The following LRIF1 variants were observed in gnomAD, a reference collection of about 807,000 sequenced individuals.
The protein encoded by LRIF1 is ligand dependent nuclear receptor interacting factor 1.
Under a neutral mutation model 52.7 loss-of-function variants are expected in LRIF1, and 32 were observed. The ratio of observed to expected loss-of-function variants is 0.61; its 90% CI spans 0.46 to 0.82. The LOEUF is 0.82. Ranked by LOEUF, LRIF1 falls within the 40% of genes least tolerant of loss-of-function variation. The probability of loss-of-function intolerance (pLI) is 0.00; values close to 1 mark genes in which losing one functional copy is unlikely to be tolerated. For missense variants in LRIF1, 887 were observed against 892.0 expected (o/e 0.99, Z 0.07); for synonymous variants, 323 against 317.4 (o/e 1.02, Z -0.19).
chr1:110,888,025 G>A, the LRIF1 span, among the ~76,000 whole-genome samples: 1 of 152,142 alleles, frequency 6.6e-6, no homozygotes, highest in African/African-American at 2.4e-5. Context: ...AGAGTGGAAA[G>A]TAGCAGATGT....
At chr1:110,878,945 C>G in the LRIF1 span, among the ~76,000 whole-genome samples, 4 of 152,228 alleles carry the variant, frequency 2.6e-5, no homozygotes, top group East Asian at 7.7e-4. Flanking sequence ...TCTTTTATTA[C>G]TGAAATTTAA....
chr1:110,927,809 A>C, the LRIF1 span, among the ~76,000 whole-genome samples: 4 of 152,340 alleles, frequency 2.6e-5, no homozygotes, highest in East Asian at 5.8e-4. Flanking sequence ...GACATATTAC[A>C]AAACCATCAG....
chr1:110,912,282 G>T, the LRIF1 span, among the ~76,000 whole-genome samples: 1 of 151,852 alleles, frequency 6.6e-6, no homozygotes, highest in Admixed American at 6.6e-5. Flanking sequence ...CATGATCTTG[G>T]CTCACTGCAT....
At chr1:110,883,961 T>G in the LRIF1 span, among the ~76,000 whole-genome samples, 1 of 152,044 alleles carries the variant, frequency 6.6e-6, no homozygotes, top group South Asian at 2.1e-4. Context: ...TTTATCAGTC[T>G]TCTAAAAGAG....
At chr1:110,894,831 C>G in the LRIF1 span, 3 of 704,918 alleles carry the variant, frequency 4.3e-6, no homozygotes, top group South Asian at 4.8e-5. Context: ...CCTCCCCTCA[C>G]CCTTAGTTCT....
the LRIF1 span, chr1:110,936,522 T>C: frequency 2.0e-5 from 3 of 152,154 alleles, no homozygotes; most frequent in Admixed American, 2.0e-4. Flanking sequence ...TGTTAAGTAG[T>C]TATCGGATTG....
At chr1:110,936,476 C>A in the LRIF1 span, 1 of 152,020 alleles carries the variant, frequency 6.6e-6, no homozygotes, top group East Asian at 1.9e-4. Context: ...TTTTTATTAG[C>A]TTTGTTTTTG....
At chr1:110,930,281 A>G in the LRIF1 span, among the ~76,000 whole-genome samples, 1 of 152,182 alleles carries the variant, frequency 6.6e-6, no homozygotes, top group East Asian at 1.9e-4. Context: ...TTTATTTGTT[A>G]AAGCATTTTT....
downstream of LRIF1, among the ~76,000 whole-genome samples, chr1:110,945,728 A>G (rs1031484978): frequency 2.6e-5 from 4 of 152,140 alleles, no homozygotes; most frequent in African/African-American, 9.7e-5. Flanking sequence ...CGCCTGGCCT[A>G]TATTTTCTAC....
the LRIF1 span, among the ~76,000 whole-genome samples, chr1:110,903,462 A>G: frequency 6.6e-6 from 1 of 152,152 alleles, no homozygotes; most frequent in African/African-American, 2.4e-5. Flanking sequence ...CACCGGTCAG[A>G]GTTGTAAGGT....
At chr1:110,896,769 T>G in the LRIF1 span, 3 of 1,559,030 alleles carry the variant, frequency 1.9e-6, no homozygotes, top group Non-Finnish European at 2.6e-6. Context: ...TATTGACCTC[T>G]TTGTTTAAAT....
At chr1:110,902,184 A>G in the LRIF1 span, among the ~76,000 whole-genome samples, 491 of 152,356 alleles carry the variant, frequency 3.2e-3, 4 homozygotes, top group Non-Finnish European at 4.9e-3. Flanking sequence ...TGACACTTTT[A>G]TGCTTGAAAC....
At position 110,952,292 on chromosome 1, in the gene LRIF1, C is replaced by T; in HGVS notation, c.592G>A (p.Ala198Thr). ...TGCACTGAAGGAGGCAATGATGACG[C>T]TGGTACAGATTTCACTTCAGCATGG... ...PAHAEVKSVP[A>T]SSLPPSVQQK... The change falls in exon 2 of 4, where the codon GCG becomes ACG. Residue 198 changes from alanine to threonine, a missense_variant. By Grantham distance (58) the Ala-to-Thr change is moderately conservative. Coordinates refer to ENST00000369763, the MANE Select transcript of LRIF1 (RefSeq NM_018372.4). 6.2e-7 allele frequency: 1 copy of T among 1,614,128 alleles called. No homozygotes were observed. The highest frequency in any genetic ancestry group is 1.1e-5 in the South Asian group (1 of 91,088).
chr1:110,909,160 C>A, the LRIF1 span, among the ~76,000 whole-genome samples: 2 of 152,170 alleles, frequency 1.3e-5, no homozygotes, highest in Non-Finnish European at 2.9e-5. Flanking sequence ...AAATCCATTT[C>A]AGGCAAGCAA....
the LRIF1 span, among the ~76,000 whole-genome samples, chr1:110,886,334 A>C: frequency 6.6e-6 from 1 of 152,002 alleles, no homozygotes; most frequent in East Asian, 1.9e-4. Flanking sequence ...ACCTTAGTGT[A>C]GCTTTCTTCA....
the LRIF1 span, among the ~76,000 whole-genome samples, chr1:110,917,729 A>G: frequency 2.0e-5 from 3 of 150,986 alleles, no homozygotes; most frequent in Non-Finnish European, 4.4e-5. Flanking sequence ...ATAAAGTTAT[A>G]TGTGCTATGG....
downstream of LRIF1, chr1:110,944,876 A>T (rs1431348954): frequency 2.0e-5 from 3 of 151,408 alleles, no homozygotes; most frequent in African/African-American, 7.3e-5. Context: ...AAACACTGAA[A>T]GGGAAAGCTC....
chr1:110,919,297 A>C, the LRIF1 span, among the ~76,000 whole-genome samples: 2 of 152,194 alleles, frequency 1.3e-5, no homozygotes, highest in Non-Finnish European at 2.9e-5. Context: ...TCTGGTGGGC[A>C]CAATCTAATC....
In LRIF1 at chr1:110,951,344, C is replaced by T. The variant is rs1340603646; in HGVS notation, c.1540G>A (p.Val514Ile). 1.9e-6 allele frequency: 3 copies of T among 1,614,104 alleles called. No homozygotes were observed. The highest frequency in any genetic ancestry group is 2.5e-6 in the Non-Finnish European group (3 of 1,179,990). Residue 514 changes from valine (V) to isoleucine (I), a missense_variant, in exon 2 of 4, where the codon GTT becomes ATT. By Grantham distance (29) the Val-to-Ile change is conservative (BLOSUM62 3). Transcript: ENST00000369763. ...TGTGAAGTAACAGTTGTTGCATCAA[C>T]AGAGGAACTTATTTTCTCTATGCTC... ...LQSIEKISSS[V>I]DATTVTSQQC... is the part of the protein sequence containing the mutation.
Sources: gnomAD v4.1 joint callset for allele counts (sites outside exome capture counted in the v4.1 genomes callset) on GRCh38, gnomAD v4.1.1 for gene constraint, MANE v1.5 for transcripts, NCBI Gene and HGNC (gene_info 2026-07-23, HGNC 2026-07-21) for gene names.